The following MAGI2 variants were observed in gnomAD, a reference collection of about 807,000 sequenced individuals.
MAGI2 encodes membrane-associated guanylate kinase, WW and PDZ domain-containing protein 2.
In MAGI2, 35 loss-of-function variants were observed where a neutral mutation model predicts 133.3. The observed-to-expected ratio is 0.26, with a 90% CI of 0.20 to 0.35. The LOEUF (loss-of-function observed/expected upper bound fraction) is 0.35, where lower values mean the gene tolerates loss of function less well. Ranked by LOEUF, MAGI2 falls within the 10% of genes least tolerant of loss-of-function variation. The probability of loss-of-function intolerance (pLI) is 1.00; values close to 1 mark genes in which losing one functional copy is unlikely to be tolerated. For missense variants in MAGI2, 1,636 were observed against 1,863.4 expected (o/e 0.88, Z 2.25); for synonymous variants, 729 against 710.6 (o/e 1.03, Z -0.41).
At chr7:78,985,127 A>G (rs1805138262) in intron 2 of MAGI2, among the ~76,000 whole-genome samples, 1 of 151,944 alleles carries the variant, frequency 6.6e-6, no homozygotes, top group African/African-American at 2.4e-5. Flanking sequence ...TTGGCCTCTC[A>G]AAGTGCTGGG....
intron 3 of MAGI2, among the ~76,000 whole-genome samples, chr7:78,578,839 A>G (rs1802540722): frequency 6.6e-6 from 1 of 152,188 alleles, no homozygotes; most frequent in Non-Finnish European, 1.5e-5. Flanking sequence ...TGATGCCTGA[A>G]CAAAGCAAAA....
intron 2 of MAGI2, among the ~76,000 whole-genome samples, chr7:78,773,754 A>G (rs10244070): frequency 0.86 from 131,146 of 152,158 alleles, 56,784 homozygotes; most frequent in East Asian, 1. Flanking sequence ...AGGCAGAGAC[A>G]CAAAGAACAC....
At chr7:78,369,750 T>C (rs903144706) in intron 6 of MAGI2, among the ~76,000 whole-genome samples, 2 of 152,036 alleles carry the variant, frequency 1.3e-5, no homozygotes, top group Non-Finnish European at 2.9e-5. Flanking sequence ...TCTTTGGGCA[T>C]ATTTTAAAAA....
intron 2 of MAGI2, among the ~76,000 whole-genome samples, chr7:78,904,601 G>GCAGACTCTGCCT (rs1797864103): frequency 6.8e-6 from 1 of 146,092 alleles, no homozygotes; most frequent in African/African-American, 2.6e-5. Flanking sequence ...TCGGCTCACT[G>GCAGACTCTGCCT]CAGCCTCTGC....
At chr7:78,977,699 T>C (rs1804415673) in intron 2 of MAGI2, among the ~76,000 whole-genome samples, 1 of 151,752 alleles carries the variant, frequency 6.6e-6, no homozygotes, top group African/African-American at 2.4e-5. Flanking sequence ...TTTATTACAA[T>C]TTAAAACTCC....
chr7:79,212,839 C>G (rs1312863191), intron 1 of MAGI2, among the ~76,000 whole-genome samples: 7 of 152,068 alleles, frequency 4.6e-5, no homozygotes, highest in African/African-American at 1.7e-4. Flanking sequence ...GTAGTTCTTC[C>G]TGGCTTTGGT....
At chr7:78,737,289 A>G (rs1821954381) in intron 2 of MAGI2, among the ~76,000 whole-genome samples, 1 of 152,224 alleles carries the variant, frequency 6.6e-6, no homozygotes, top group Non-Finnish European at 1.5e-5. Flanking sequence ...GATTGGCATA[A>G]TTCAGTGAAA....
At chr7:78,372,674 C>A (rs545910773) in intron 6 of MAGI2, among the ~76,000 whole-genome samples, 5 of 152,222 alleles carry the variant, frequency 3.3e-5, no homozygotes, top group Non-Finnish European at 7.4e-5. Flanking sequence ...AATATTCCTA[C>A]CATGAAAAAG....
chr7:78,677,388 T>C (rs2151087098), intron 2 of MAGI2, among the ~76,000 whole-genome samples: 1 of 151,928 alleles, frequency 6.6e-6, no homozygotes, highest in South Asian at 2.1e-4. Flanking sequence ...TACAGAAAAC[T>C]TTTAAATGAC....
chr7:78,730,661 A>T (rs367966937), intron 2 of MAGI2, among the ~76,000 whole-genome samples: 1 of 152,162 alleles, frequency 6.6e-6, no homozygotes, highest in East Asian at 1.9e-4. Context: ...CATGTATTCC[A>T]CGGTAGAGTT....
intron 2 of MAGI2, among the ~76,000 whole-genome samples, chr7:78,769,472 T>C (rs548447998): frequency 6.7e-6 from 1 of 150,300 alleles, no homozygotes; most frequent in East Asian, 2.0e-4. Context: ...CTGGGTAGTT[T>C]GTACTGAAGT....
intron 1 of MAGI2, among the ~76,000 whole-genome samples, chr7:79,054,915 C>A (rs527364604): frequency 1.3e-5 from 2 of 152,292 alleles, no homozygotes; most frequent in Admixed American, 1.3e-4. Context: ...CTCAGCCTCC[C>A]AAGTAGCTGG....
intron 1 of MAGI2, among the ~76,000 whole-genome samples, chr7:79,302,200 C>T (rs1295510500): frequency 6.6e-6 from 1 of 152,142 alleles, no homozygotes; most frequent in African/African-American, 2.4e-5. Context: ...TTTAATCCTT[C>T]TGGAGCTAGG....
chr7:78,765,345 T>TTC (rs1211148161), intron 2 of MAGI2, among the ~76,000 whole-genome samples: 5 of 135,170 alleles, frequency 3.7e-5, no homozygotes, highest in African/African-American at 1.4e-4. Flanking sequence ...GTGCACATCT[T>TTC]TTTTTTTTTT....
At chr7:78,674,391 C>T (rs1814755101) in intron 2 of MAGI2, among the ~76,000 whole-genome samples, 1 of 151,848 alleles carries the variant, frequency 6.6e-6, no homozygotes, top group South Asian at 2.1e-4. Flanking sequence ...TTATGGCATG[C>T]CTATTATGCA....
chr7:79,391,538 GACATATATATATATATATATATATAC>G (rs1844644746), intron 1 of MAGI2, among the ~76,000 whole-genome samples: 1 of 18,834 alleles, frequency 5.3e-5, no homozygotes, highest in African/African-American at 6.4e-4. Flanking sequence ...TATATATATA[GACATATATATATATATATATATATAC>G]ACACTTTACT....
intron 1 of MAGI2, among the ~76,000 whole-genome samples, chr7:79,388,355 A>G (rs1367029165): frequency 6.6e-6 from 1 of 151,970 alleles, no homozygotes; most frequent in Non-Finnish European, 1.5e-5. Flanking sequence ...GTACCTATCA[A>G]TACAGGTAAT....
At chr7:78,092,732 T>G (rs1817323181) in intron 20 of MAGI2, among the ~76,000 whole-genome samples, 1 of 152,060 alleles carries the variant, frequency 6.6e-6, no homozygotes. Flanking sequence ...GGTTAATAAT[T>G]GTCTGATTAA....
rs532656319 is a variant in MAGI2, at chr7:79,140,966, T to C, written c.302-133760A>G. Among the ~76,000 whole-genome samples the C allele has an allele frequency of 1.2e-4, 19 of 152,318 alleles. No individual in the cohort carries two copies. The East Asian group carries it at 3.5e-3, about 28-fold the overall frequency. The stretch of plus-strand genomic sequence containing the variant: ...ATACGAATCCAAGTGTGTAGTGCCT[T>C]AATCAGTTTCTAAATACTTCTAGGT... On this transcript the variant is annotated intron_variant, in intron 1 of 21. Transcript: ENST00000354212.
Sources: allele counts gnomAD v4.1 joint callset (sites outside exome capture counted in the v4.1 genomes callset), GRCh38; gene constraint gnomAD v4.1.1; transcripts MANE v1.5; gene names NCBI Gene and HGNC (gene_info 2026-07-23, HGNC 2026-07-21).